SEMA3E: variants seen among roughly 807,000 people sequenced by gnomAD.
SEMA3E encodes semaphorin 3E.
Under a neutral mutation model 93.6 loss-of-function variants are expected in SEMA3E, and 49 were observed. The observed-to-expected ratio is 0.52, with a 90% CI of 0.42 to 0.66. The LOEUF (loss-of-function observed/expected upper bound fraction) is 0.66. SEMA3E is among the 30% of genes least tolerant of loss of function. The pLI is 0.00. For missense variants in SEMA3E, 906 were observed against 964.8 expected (o/e 0.94, Z 0.81); for synonymous variants, 363 against 330.7 (o/e 1.10, Z -1.06).
chr7:83,508,549 A>C (rs186959896), intron 1 of SEMA3E, among the ~76,000 whole-genome samples: 42 of 152,324 alleles, frequency 2.8e-4, no homozygotes, highest in Admixed American at 3.9e-4. Flanking sequence ...GGCGTGAGCC[A>C]CTGCGCCTGG....
chr7:83,581,390 T>C (rs1477749795), intron 1 of SEMA3E, among the ~76,000 whole-genome samples: 1 of 152,004 alleles, frequency 6.6e-6, no homozygotes, highest in Non-Finnish European at 1.5e-5. Flanking sequence ...ACTTCTGTGT[T>C]GCAAGAACAA....
intron 4 of SEMA3E, among the ~76,000 whole-genome samples, chr7:83,419,066 G>A (rs1315514015): frequency 6.6e-6 from 1 of 151,348 alleles, no homozygotes; most frequent in Non-Finnish European, 1.5e-5. Flanking sequence ...CCCCTCCAGT[G>A]GTCTCCAGTC....
At chr7:83,511,180 T>C (rs982363328) in intron 1 of SEMA3E, among the ~76,000 whole-genome samples, 18 of 152,208 alleles carry the variant, frequency 1.2e-4, no homozygotes, top group African/African-American at 3.6e-4. Flanking sequence ...CTAAAAGACT[T>C]CCAGCCATAT....
chr7:83,590,169 C>T (rs1215850177), intron 1 of SEMA3E, among the ~76,000 whole-genome samples: 1 of 152,066 alleles, frequency 6.6e-6, no homozygotes, highest in Non-Finnish European at 1.5e-5. Flanking sequence ...CACCTAGAAA[C>T]ATGAATTAAA....
intron 4 of SEMA3E, among the ~76,000 whole-genome samples, chr7:83,431,098 A>AG (rs1788873232): frequency 1.8e-5 from 1 of 54,892 alleles, no homozygotes; most frequent in Non-Finnish European, 3.6e-5. Flanking sequence ...AAAAAAGAAA[A>AG]AAAAAAAAAG....
chr7:83,608,109 A>G (rs1174990778), intron 1 of SEMA3E, among the ~76,000 whole-genome samples: 1 of 152,060 alleles, frequency 6.6e-6, no homozygotes, highest in East Asian at 1.9e-4. Context: ...GACACTCGGG[A>G]GGCTGAGGCA....
intron 1 of SEMA3E, among the ~76,000 whole-genome samples, chr7:83,549,951 C>T (rs1394227768): frequency 6.6e-6 from 1 of 151,984 alleles, no homozygotes; most frequent in Non-Finnish European, 1.5e-5. Flanking sequence ...TTAAAGCATC[C>T]ACATTATTAA....
chr7:83,410,346 T>C (rs1584229390), intron 5 of SEMA3E, among the ~76,000 whole-genome samples: 1 of 152,022 alleles, frequency 6.6e-6, no homozygotes, highest in Non-Finnish European at 1.5e-5. Flanking sequence ...CACAGAGTTT[T>C]TAAAAAGATA....
chr7:83,463,874 G>A (rs1789691838), intron 4 of SEMA3E, among the ~76,000 whole-genome samples: 1 of 152,098 alleles, frequency 6.6e-6, no homozygotes, highest in African/African-American at 2.4e-5. Context: ...GCCCCACCCA[G>A]GACTGGCAAA....
intron 4 of SEMA3E, among the ~76,000 whole-genome samples, chr7:83,454,572 TTTG>T (rs1789443529): frequency 6.6e-6 from 1 of 151,970 alleles, no homozygotes; most frequent in South Asian, 2.1e-4. Context: ...ACTTACAAGT[TTTG>T]TTGAATATCC....
intron 4 of SEMA3E, among the ~76,000 whole-genome samples, chr7:83,453,104 T>A (rs2115826854): frequency 6.6e-6 from 1 of 152,264 alleles, no homozygotes; most frequent in East Asian, 1.9e-4. Context: ...CTCGGCTCAC[T>A]GTAACCTCTG....
At chr7:83,546,021 T>C (rs1266311878) in intron 1 of SEMA3E, among the ~76,000 whole-genome samples, 2 of 146,758 alleles carry the variant, frequency 1.4e-5, no homozygotes, top group African/African-American at 4.9e-5. Flanking sequence ...TATTATATAT[T>C]ATATTTTTAT....
chr7:83,490,401 A>G (rs1448804291), intron 1 of SEMA3E, 127 bp from the exon 2 acceptor site: 18 of 879,226 alleles, frequency 2.0e-5, no homozygotes, highest in Admixed American at 6.6e-5. Context: ...TATCATACAT[A>G]TACTGGCAAA....
intron 1 of SEMA3E, among the ~76,000 whole-genome samples, chr7:83,518,693 A>G (rs1375046781): frequency 1.3e-5 from 2 of 152,094 alleles, no homozygotes; most frequent in Non-Finnish European, 2.9e-5. Flanking sequence ...TCAGAACGTT[A>G]ATGGAGGCCT....
intron 1 of SEMA3E, among the ~76,000 whole-genome samples, chr7:83,539,844 T>C (rs1411439796): frequency 8.1e-6 from 1 of 123,846 alleles, no homozygotes; most frequent in African/African-American, 3.0e-5. Context: ...TTTTGTTTTG[T>C]TTTGTTGTTT....
At chr7:83,626,004 A>G (rs1249017543) in intron 1 of SEMA3E, among the ~76,000 whole-genome samples, 1 of 152,192 alleles carries the variant, frequency 6.6e-6, no homozygotes, top group Non-Finnish European at 1.5e-5. Context: ...GCGATAGATC[A>G]CATTTATTGA....
intron 1 of SEMA3E, among the ~76,000 whole-genome samples, chr7:83,569,233 G>A (rs143105724): frequency 2.1e-3 from 318 of 151,874 alleles, no homozygotes; most frequent in Non-Finnish European, 3.4e-3. Context: ...AGAAATTGAA[G>A]AGGATACAAA....
At chr7:83,476,287 A>G (rs1483109532) in intron 2 of SEMA3E, among the ~76,000 whole-genome samples, 2 of 152,254 alleles carry the variant, frequency 1.3e-5, no homozygotes, top group Non-Finnish European at 2.9e-5. Context: ...AACATGTTAA[A>G]TGAATAAAAC....
chr7:83,516,945 T>TATATATA (rs1790940088), intron 1 of SEMA3E, among the ~76,000 whole-genome samples: 3 of 148,566 alleles, frequency 2.0e-5, no homozygotes, highest in South Asian at 4.3e-4. Context: ...TAGCATATAT[T>TATATATA]TATATATATA....
Sources: gnomAD v4.1 joint callset for allele counts (sites outside exome capture counted in the v4.1 genomes callset) on GRCh38, gnomAD v4.1.1 for gene constraint, MANE v1.5 for transcripts, NCBI Gene and HGNC (gene_info 2026-07-23, HGNC 2026-07-21) for gene names.